Variants in SASH1 observed in about 807,000 individuals in gnomAD.
SASH1 encodes the protein SAM and SH3 domain containing 1.
SASH1 carries 44 observed loss-of-function variants against 125.2 expected under a neutral mutation model. The observed-to-expected ratio is 0.35, with a 90% confidence interval of 0.28 to 0.45. The LOEUF is 0.45. Among genes scored for constraint, SASH1 ranks in the 20% least tolerant of loss-of-function variants. The pLI, the probability that SASH1 is intolerant of heterozygous loss-of-function variation, is 1.00. For missense variants in SASH1, 1,426 were observed against 1,614.5 expected (o/e 0.88, Z 2.00); for synonymous variants, 639 against 649.1 (o/e 0.98, Z 0.24).
intron 1 of SASH1, among the ~76,000 whole-genome samples, chr6:148,300,442 A>ATTTTTTTT (rs34126353): frequency 1.8e-5 from 2 of 108,328 alleles, no homozygotes; most frequent in African/African-American, 7.4e-5. Context: ...CAGAAACAAG[A>ATTTTTTTT]TTTTTTTTTT....
intron 1 of SASH1, among the ~76,000 whole-genome samples, chr6:148,275,737 T>TG (rs911984222): frequency 1.3e-5 from 2 of 152,216 alleles, no homozygotes; most frequent in Non-Finnish European, 2.9e-5. Flanking sequence ...GCAATTATTT[T>TG]GGGGCGTGTG....
intron 2 of SASH1, among the ~76,000 whole-genome samples, chr6:148,427,378 C>T (rs1775869105): frequency 6.6e-6 from 1 of 152,178 alleles, no homozygotes; most frequent in Non-Finnish European, 1.5e-5. Flanking sequence ...AAAATGTCTT[C>T]ATGGACACTG....
At chr6:148,368,571 A>G (rs1444477663) in intron 1 of SASH1, among the ~76,000 whole-genome samples, 3 of 152,196 alleles carry the variant, frequency 2.0e-5, no homozygotes, top group African/African-American at 7.2e-5. Context: ...GCTCCCAGCT[A>G]GGACCAGCTC....
At chr6:148,426,081 C>T (rs532537554) in intron 2 of SASH1, among the ~76,000 whole-genome samples, 142 of 152,054 alleles carry the variant, frequency 9.3e-4, no homozygotes, top group African/African-American at 3.3e-3. Flanking sequence ...TGGTGGCACA[C>T]GCCTGTAATC....
Position 148,532,961 on chromosome 6 carries a change from C to A in SASH1, c.1729C>A (p.Leu577Ile), listed in dbSNP as rs1318506825. ...TCCCTATGACACAGACTCACTCAAG[C>A]TCAAGGTATCTCTCTCCCTGGCCTC... ...PSPYDTDSLK[L>I]KKGDIIDIIS... Residue 577 changes from leucine (L) to isoleucine (I), a missense_variant, in exon 14 of 20, where the codon CTC becomes ATC. By Grantham distance (5) the Leu-to-Ile change is conservative (BLOSUM62 2). Coordinates refer to ENST00000367467, the MANE Select transcript of SASH1 (RefSeq NM_015278.5). This position sits in a 1 kb window ranked among gnomAD's most constrained non-coding sequence, Gnocchi z 4.7. 1 of 1,613,742 alleles carries A rather than the reference C, an allele frequency of 6.2e-7. No homozygotes were observed. Among genetic ancestry groups the A allele is most frequent in the Non-Finnish European group, 8.5e-7 (1 of 1,179,738 alleles).
At chr6:148,483,221 A>G (rs1778705804) in intron 7 of SASH1, among the ~76,000 whole-genome samples, 1 of 152,168 alleles carries the variant, frequency 6.6e-6, no homozygotes, top group South Asian at 2.1e-4. Flanking sequence ...GTGTGTGCAG[A>G]GATCACTTGG....
intron 1 of SASH1, among the ~76,000 whole-genome samples, chr6:148,294,588 T>C (rs1353033488): frequency 6.6e-6 from 1 of 152,082 alleles, no homozygotes; most frequent in African/African-American, 2.4e-5. Context: ...GTTGCTACTG[T>C]TCTATTTATT....
chr6:148,458,008 T>C (rs1046580728), intron 4 of SASH1, among the ~76,000 whole-genome samples: 4 of 152,218 alleles, frequency 2.6e-5, no homozygotes, highest in African/African-American at 9.6e-5. Context: ...AGCCAAATGA[T>C]ATCAAACTGT....
At chr6:148,249,125 C>T in the SASH1 span, among the ~76,000 whole-genome samples, 1 of 152,204 alleles carries the variant, frequency 6.6e-6, no homozygotes, top group African/African-American at 2.4e-5. Flanking sequence ...AGCAAAATGG[C>T]TTTCTCCCTG....
the SASH1 span, among the ~76,000 whole-genome samples, chr6:148,200,560 G>T: frequency 6.6e-6 from 1 of 152,238 alleles, no homozygotes; most frequent in Admixed American, 6.5e-5. Context: ...CCAAGTGCGT[G>T]CCAAGGCGAG....
intron 2 of SASH1, among the ~76,000 whole-genome samples, chr6:148,399,874 G>GAGGT (rs1025449644): frequency 1.3e-5 from 2 of 152,200 alleles, no homozygotes; most frequent in African/African-American, 4.8e-5. Context: ...CGAGGCCCAG[G>GAGGT]CCAGGTGCCT....
Position 148,343,064 on chromosome 6 carries a change from G to C in SASH1, c.-4G>C, listed in dbSNP as rs1486871548. 7.0e-7 allele frequency: 1 copy of C among 1,429,984 alleles called. No homozygotes were observed. Among genetic ancestry groups the C allele is most frequent in the Non-Finnish European group, 9.1e-7 (1 of 1,095,194 alleles). The allele number at this position is 1,429,984 out of a possible 1,614,324, so 88.6% of individuals were successfully genotyped here. ...GACGCACGGCCCGCGCGCGGGACAC[G>C]GCCATGGAGGACGCGGGAGCAGCTG... On this transcript the variant is annotated 5_prime_UTR_variant, in exon 1 of 20. Coordinates refer to ENST00000367467, the MANE Select transcript of SASH1 (RefSeq NM_015278.5).
chr6:148,515,389 T>C (rs1681239581), intron 9 of SASH1, among the ~76,000 whole-genome samples: 1 of 152,236 alleles, frequency 6.6e-6, no homozygotes, highest in South Asian at 2.1e-4. Flanking sequence ...AATCAAGCCA[T>C]GTAAAGAAAT....
At chr6:148,367,069 G>A (rs369736711) in intron 1 of SASH1, among the ~76,000 whole-genome samples, 13 of 149,952 alleles carry the variant, frequency 8.7e-5, no homozygotes, top group African/African-American at 3.2e-4. Flanking sequence ...CCTCCCAGGC[G>A]CCTGCCACCA....
At chr6:148,258,113 C>A in the SASH1 span, among the ~76,000 whole-genome samples, 12 of 151,912 alleles carry the variant, frequency 7.9e-5, no homozygotes, top group East Asian at 2.3e-3. Flanking sequence ...AGATGGGGAT[C>A]TCACTATGTT....
the SASH1 span, among the ~76,000 whole-genome samples, chr6:148,257,388 C>A: frequency 2.0e-5 from 3 of 152,182 alleles, no homozygotes; most frequent in Non-Finnish European, 4.4e-5. Flanking sequence ...GGCTGGCATT[C>A]ATCTTAGAGA....
chr6:148,213,755 C>T, the SASH1 span, among the ~76,000 whole-genome samples: 7 of 152,008 alleles, frequency 4.6e-5, no homozygotes, highest in East Asian at 1.9e-4. Context: ...TTGGAGACTT[C>T]GGATCTCCTA....
At chr6:148,538,158 C>T (rs1162543748) in intron 16 of SASH1, among the ~76,000 whole-genome samples, 1 of 152,158 alleles carries the variant, frequency 6.6e-6, no homozygotes, top group Non-Finnish European at 1.5e-5. Context: ...CACAATGGAT[C>T]CCCTCCTTCT....
At chr6:148,295,723 C>G (rs536416813) in intron 1 of SASH1, among the ~76,000 whole-genome samples, 2 of 152,184 alleles carry the variant, frequency 1.3e-5, no homozygotes, top group Non-Finnish European at 2.9e-5. Flanking sequence ...TGTCTGAGGA[C>G]GTGCAGTTGG....
Sources: allele counts gnomAD v4.1 joint callset (sites outside exome capture counted in the v4.1 genomes callset), GRCh38; gene constraint gnomAD v4.1.1; non-coding constraint Gnocchi (gnomAD v3.1); transcripts MANE v1.5; gene names NCBI Gene and HGNC (gene_info 2026-07-23, HGNC 2026-07-21).